ZNF763: variants seen among roughly 807,000 people sequenced by gnomAD.
The protein encoded by ZNF763 is zinc finger protein 763, also known as DNA-binding protein.
A neutral mutation model predicts 38.0 loss-of-function variants in ZNF763; 33 were observed. The ratio of observed to expected loss-of-function variants is 0.87; its 90% CI spans 0.66 to 1.16. ZNF763 has a LOEUF of 1.16. Among genes scored for constraint, ZNF763 ranks in the 50% most tolerant of loss-of-function variants. The pLI, the probability that ZNF763 is intolerant of heterozygous loss-of-function variation, is 0.00. For missense variants in ZNF763, 423 were observed against 469.1 expected (o/e 0.90, Z 0.91); for synonymous variants, 155 against 160.1 (o/e 0.97, Z 0.24).
intron 1 of ZNF763, among the ~76,000 whole-genome samples, chr19:11,972,015 T>C (rs1165786519): frequency 6.6e-6 from 1 of 150,850 alleles, no homozygotes; most frequent in Non-Finnish European, 1.5e-5. Context: ...TGAGCCAAGA[T>C]GGTGTCATTG....
intron 1 of ZNF763, among the ~76,000 whole-genome samples, chr19:11,970,403 A>G (rs1052300335): frequency 2.0e-5 from 3 of 152,252 alleles, no homozygotes; most frequent in Non-Finnish European, 4.4e-5. Context: ...GAGTTTGAGT[A>G]AAGTTTTCTT....
rs1182857160 is a variant in ZNF763, at chr19:11,974,145, T to C, written c.4-2893T>C. 1.5e-5 allele frequency among the ~76,000 whole-genome samples: 2 copies of C among 129,180 alleles called. 1 individual carries two copies. The highest frequency in any genetic ancestry group is 3.1e-5 in the Non-Finnish European group (2 of 63,696). 84.7% of individuals were successfully genotyped at this position (129,180 alleles called of 152,430 possible). On this transcript the variant is annotated intron_variant, in intron 1 of 3. Transcript: ENST00000358987. ...TCTTTCTTTTCTTTCTTTCTTTCTTTCTTTCTTTCTTTCCTTCCTTCCTTC... is the reference window on the plus strand; with the variant it reads ...TCTTTCTTTTCTTTCTTTCTTTCTTCCTTTCTTTCTTTCCTTCCTTCCTTC...
At chr19:11,966,825 C>T (rs279279) in intron 1 of ZNF763, among the ~76,000 whole-genome samples, 27,752 of 152,016 alleles carry the variant, frequency 0.18, 5,491 homozygotes, top group African/African-American at 0.5. Flanking sequence ...CAGATTTCAG[C>T]TGGAAGAGTT....
chr19:11,977,287 G>A, intron 2 of ZNF763, 84 bp from the exon 3 acceptor site: 1 of 1,603,892 alleles, frequency 6.2e-7, no homozygotes, highest in African/African-American at 1.3e-5. Flanking sequence ...AGGCATGGCT[G>A]CAGTAAATCA....
chr19:11,965,806 G>A (rs920271877), intron 1 of ZNF763, among the ~76,000 whole-genome samples: 1 of 152,152 alleles, frequency 6.6e-6, no homozygotes, highest in African/African-American at 2.4e-5. Flanking sequence ...GTCCCGAGGC[G>A]GCTCAAGACA....
At chr19:11,969,553 G>A (rs1973307579) in intron 1 of ZNF763, among the ~76,000 whole-genome samples, 2 of 152,200 alleles carry the variant, frequency 1.3e-5, no homozygotes, top group East Asian at 3.9e-4. Context: ...ATGATTTCAG[G>A]ATCCTTAGGT....
At chr19:11,967,748 T>C (rs1394628379) in intron 1 of ZNF763, among the ~76,000 whole-genome samples, 2 of 152,168 alleles carry the variant, frequency 1.3e-5, no homozygotes, top group Non-Finnish European at 2.9e-5. Context: ...GAAGGAATGT[T>C]CTCTGTTACA....
intron 1 of ZNF763, among the ~76,000 whole-genome samples, chr19:11,969,834 C>G (rs1218645370): frequency 6.6e-6 from 1 of 152,194 alleles, no homozygotes; most frequent in Non-Finnish European, 1.5e-5. Flanking sequence ...CTTTCCTAGA[C>G]ACAGACACCT....
chr19:11,965,489 G>A (rs555880060), intron 1 of ZNF763, among the ~76,000 whole-genome samples: 14 of 152,370 alleles, frequency 9.2e-5, no homozygotes, highest in East Asian at 1.9e-4. Context: ...CGTCTCCCCA[G>A]ATTATGCGGA....
At chr19:11,974,272 C>T (rs1426689497) in intron 1 of ZNF763, among the ~76,000 whole-genome samples, 1 of 150,798 alleles carries the variant, frequency 6.6e-6, no homozygotes, top group Non-Finnish European at 1.5e-5. Context: ...TCTCAGCTCA[C>T]TGCTGCCTCT....
chr19:11,977,829 G>A (rs925727206), intron 3 of ZNF763, among the ~76,000 whole-genome samples: 1 of 152,168 alleles, frequency 6.6e-6, no homozygotes, highest in African/African-American at 2.4e-5. Flanking sequence ...CTGTACTCCA[G>A]GATGGTCACA....
intron 1 of ZNF763, among the ~76,000 whole-genome samples, chr19:11,969,157 T>C (rs1164409635): frequency 6.6e-6 from 1 of 152,210 alleles, no homozygotes; most frequent in East Asian, 1.9e-4. Flanking sequence ...TAGGCTGGAG[T>C]GCAGCGGCGT....
chr19:11,977,658 A>G (rs562367232), intron 3 of ZNF763, among the ~76,000 whole-genome samples: 2 of 152,224 alleles, frequency 1.3e-5, no homozygotes, highest in Non-Finnish European at 2.9e-5. Flanking sequence ...CAGCAGTTCA[A>G]GAACAGCCTG....
intron 1 of ZNF763, among the ~76,000 whole-genome samples, chr19:11,967,231 G>A (rs1260875659): frequency 1.3e-5 from 2 of 152,122 alleles, no homozygotes; most frequent in Non-Finnish European, 2.9e-5. Context: ...AGGTACTTGG[G>A]AGGCTTAAGT....
chr19:11,970,494 C>T (rs1389116261), intron 1 of ZNF763, among the ~76,000 whole-genome samples: 1 of 152,174 alleles, frequency 6.6e-6, no homozygotes. Flanking sequence ...TAACAGGTAA[C>T]TCTAGAATTA....
rs570551226 is a variant in ZNF763, at chr19:11,973,495, G to C, written c.4-3543G>C. Reference sequence around the variant, plus strand: ...TTCCCAGAGTGCTGGGATTCCTCTTGTGAGCCACCACGTTCGGCCACTCAT... The same window carrying C: ...TTCCCAGAGTGCTGGGATTCCTCTTCTGAGCCACCACGTTCGGCCACTCAT... On this transcript the variant is annotated intron_variant, in intron 1 of 3. Transcript: ENST00000358987. Among the ~76,000 whole-genome samples the C allele has an allele frequency of 1.7e-3, 254 of 152,198 alleles. 2 individuals are homozygous for C. The highest frequency in any genetic ancestry group is 5.8e-3 in the African/African-American group (239 of 41,550).
intron 1 of ZNF763, among the ~76,000 whole-genome samples, chr19:11,965,510 G>A (rs954487112): frequency 6.6e-6 from 1 of 152,266 alleles, no homozygotes; most frequent in Non-Finnish European, 1.5e-5. Flanking sequence ...AGCCACGAGA[G>A]GGTCATGGGG....
chr19:11,972,265 A>G (rs1480674808), intron 1 of ZNF763, among the ~76,000 whole-genome samples: 1 of 152,026 alleles, frequency 6.6e-6, no homozygotes, highest in Non-Finnish European at 1.5e-5. Context: ...AGCCTGGGCA[A>G]CAGAATGAGC....
At position 11,980,596 on chromosome 19, in the gene ZNF763, T is replaced by C. The variant is rs115059956; in HGVS notation, c.*1487T>C. Reference sequence around the variant, plus strand: ...GGTTTAGTGAGTCACAGGAAGCTAATAAATTACAATAATAATGTAAATTGT... The same window carrying C: ...GGTTTAGTGAGTCACAGGAAGCTAACAAATTACAATAATAATGTAAATTGT... On this transcript the variant is annotated 3_prime_UTR_variant, in exon 4 of 4. Coordinates refer to ENST00000358987, the MANE Select transcript of ZNF763 (RefSeq NM_001367172.2). 1.3e-3 allele frequency among the ~76,000 whole-genome samples: 193 copies of C among 152,300 alleles called. No homozygotes were observed. Among genetic ancestry groups the C allele is most frequent in the African/African-American group, 4.3e-3 (178 of 41,558 alleles).
Sources: allele counts gnomAD v4.1 joint callset (sites outside exome capture counted in the v4.1 genomes callset), GRCh38; gene constraint gnomAD v4.1.1; transcripts MANE v1.5; gene names NCBI Gene and HGNC (gene_info 2026-07-23, HGNC 2026-07-21).